The following NUBPL variants were observed in gnomAD, a reference collection of about 807,000 sequenced individuals.
NUBPL encodes the protein NUBP iron-sulfur cluster assembly factor, mitochondrial.
In NUBPL, 31 loss-of-function variants were observed where a neutral mutation model predicts 45.7. The ratio of observed to expected loss-of-function variants is 0.68; its 90% CI spans 0.51 to 0.92. The LOEUF is 0.92. Ranked by LOEUF, NUBPL falls within the 40% of genes least tolerant of loss-of-function variation. NUBPL has a pLI of 0.00. For synonymous variants in NUBPL, 144 were observed against 140.9 expected (o/e 1.02, Z -0.15); for missense variants, 401 against 398.7 (o/e 1.01, Z -0.05).
chr14:31,745,376 T>G (rs1470978031), intron 6 of NUBPL, among the ~76,000 whole-genome samples: 2 of 152,240 alleles, frequency 1.3e-5, no homozygotes, highest in African/African-American at 2.4e-5. Flanking sequence ...ACAAAGGACA[T>G]GGACTCATCC....
chr14:31,675,599 C>A (rs1196447581), intron 6 of NUBPL, among the ~76,000 whole-genome samples: 1 of 152,140 alleles, frequency 6.6e-6, no homozygotes, highest in Non-Finnish European at 1.5e-5. Flanking sequence ...CCTATATAAT[C>A]ATCATTTAGA....
chr14:31,800,165 A>G (rs2039559011), intron 7 of NUBPL, among the ~76,000 whole-genome samples: 1 of 152,112 alleles, frequency 6.6e-6, no homozygotes. Flanking sequence ...TAATTCTAAT[A>G]ATTCTCTTGC....
intron 6 of NUBPL, among the ~76,000 whole-genome samples, chr14:31,675,991 T>G (rs2036685762): frequency 6.6e-6 from 1 of 152,084 alleles, no homozygotes; most frequent in African/African-American, 2.4e-5. Context: ...TACATGTTTT[T>G]AAATTTCAAA....
chr14:31,763,967 A>G (rs1386973087), intron 6 of NUBPL, among the ~76,000 whole-genome samples: 1 of 152,226 alleles, frequency 6.6e-6, no homozygotes, highest in African/African-American at 2.4e-5. Flanking sequence ...TACTGAAACT[A>G]AGGCAGACAA....
chr14:31,675,905 A>C (rs989651516), intron 6 of NUBPL, among the ~76,000 whole-genome samples: 1 of 152,106 alleles, frequency 6.6e-6, no homozygotes, highest in Non-Finnish European at 1.5e-5. Context: ...CCTCCAAGAG[A>C]GTTTCCTTGG....
chr14:31,692,232 G>C (rs2037110725), intron 6 of NUBPL, among the ~76,000 whole-genome samples: 1 of 152,082 alleles, frequency 6.6e-6, no homozygotes, highest in Non-Finnish European at 1.5e-5. Context: ...ATGAATAACT[G>C]ATAATTTAAA....
At chr14:31,629,634 C>T (rs1048796348) in intron 4 of NUBPL, among the ~76,000 whole-genome samples, 9 of 152,052 alleles carry the variant, frequency 5.9e-5, no homozygotes, top group African/African-American at 2.2e-4. Context: ...CACATAATTG[C>T]TTTAAATAAT....
intron 3 of NUBPL, among the ~76,000 whole-genome samples, chr14:31,597,303 A>T (rs533889522): frequency 6.6e-6 from 1 of 152,244 alleles, no homozygotes; most frequent in South Asian, 2.1e-4. Context: ...CCTCCTCCTT[A>T]ATTTTTACAT....
Position 31,850,092 on chromosome 14 carries a change from T to C in NUBPL, c.815-27T>C, listed in dbSNP as rs118161496. 3.7e-3 allele frequency: 5,867 copies of C among 1,571,878 alleles called. 22 individuals are homozygous for C. The highest frequency in any genetic ancestry group is 4.1e-3 in the Non-Finnish European group (4,671 of 1,141,616). ...ATGCCTATATGAACTTTTCTGGTTC[T>C]AATGGATGTCTGCTGGGCTCTTTTA... On this transcript the variant is annotated intron_variant, in intron 9 of 10. Transcript: ENST00000281081.
At chr14:31,645,387 C>T (rs2035819806) in intron 4 of NUBPL, among the ~76,000 whole-genome samples, 1 of 152,132 alleles carries the variant, frequency 6.6e-6, no homozygotes, top group Non-Finnish European at 1.5e-5. Context: ...TTCTAATAGG[C>T]AGCATATAGT....
chr14:31,830,505 T>C (rs1246172831), intron 8 of NUBPL, among the ~76,000 whole-genome samples: 1 of 152,172 alleles, frequency 6.6e-6, no homozygotes, highest in Non-Finnish European at 1.5e-5. Flanking sequence ...TGATAAGCCA[T>C]GGCCAATTTA....
intron 7 of NUBPL, among the ~76,000 whole-genome samples, chr14:31,825,768 TTCC>T (rs1360037449): frequency 1.3e-5 from 2 of 150,732 alleles, no homozygotes; most frequent in South Asian, 2.1e-4. Flanking sequence ...TTCTTTCTTC[TTCC>T]TCCTCCTTTT....
In NUBPL at chr14:31,729,355, A is replaced by G. The variant is rs184292304; in HGVS notation, c.513+55781A>G. 8.1e-5 allele frequency among the ~76,000 whole-genome samples: 12 copies of G among 148,632 alleles called. No homozygotes were observed. The East Asian group carries it at 2.5e-3, about 31-fold the overall frequency. ...ACACCATATGCAGAATATATGATGA[A>G]CAAAATGGGTGTGGCCCTTAGCATT... On this transcript the variant is annotated intron_variant, in intron 6 of 10. Coordinates refer to ENST00000281081, the MANE Select transcript of NUBPL (RefSeq NM_025152.3).
chr14:31,666,263 A>ATATATATATATATTTATTTATTATTT, intron 4 of NUBPL, among the ~76,000 whole-genome samples: 8 of 111,886 alleles, frequency 7.2e-5, no homozygotes, highest in African/African-American at 2.5e-4. Context: ...ATATATATAT[A>ATATATATATATATTTATTTATTATTT]ATTTTATTTT....
intron 3 of NUBPL, among the ~76,000 whole-genome samples, chr14:31,578,747 C>T (rs2033784748): frequency 6.6e-6 from 1 of 152,202 alleles, no homozygotes; most frequent in African/African-American, 2.4e-5. Flanking sequence ...GGACATAAGT[C>T]TCCTTTGTAC....
chr14:31,708,568 G>C (rs2037502820), intron 6 of NUBPL, among the ~76,000 whole-genome samples: 1 of 152,226 alleles, frequency 6.6e-6, no homozygotes, highest in Non-Finnish European at 1.5e-5. Flanking sequence ...TACGACTGAG[G>C]AGTTGGGAGA....
At chr14:31,758,301 A>T (rs947122934) in intron 6 of NUBPL, among the ~76,000 whole-genome samples, 1 of 152,218 alleles carries the variant, frequency 6.6e-6, no homozygotes, top group Non-Finnish European at 1.5e-5. Flanking sequence ...AGACATGATT[A>T]ATCTTTTAAT....
rs202053322 is a variant in NUBPL, at chr14:31,767,991, AG to A, written c.514-19788del. Among the ~76,000 whole-genome samples the A allele has an allele frequency of 3.4e-3, 523 of 152,324 alleles. 3 individuals carry two copies. Among genetic ancestry groups the A allele is most frequent in the Admixed American group, 0.014 (215 of 15,306 alleles). On this transcript the variant is annotated intron_variant, in intron 6 of 10. Coordinates refer to ENST00000281081, the MANE Select transcript of NUBPL (RefSeq NM_025152.3). ...CAGTGTTAGTCATTAGTCTTGGTTT[AG>A]AAAAAGTTTGTTGGATCTGCATTTT...
intron 4 of NUBPL, among the ~76,000 whole-genome samples, chr14:31,638,453 G>A (rs995460502): frequency 1.3e-5 from 2 of 151,760 alleles, no homozygotes. Context: ...TCTGCCGAGA[G>A]ATCCGCTGTT....
Sources: gnomAD v4.1 joint callset for allele counts (sites outside exome capture counted in the v4.1 genomes callset) on GRCh38, gnomAD v4.1.1 for gene constraint, MANE v1.5 for transcripts, NCBI Gene and HGNC (gene_info 2026-07-23, HGNC 2026-07-21) for gene names.